The following HAUS6 variants were observed in gnomAD, a reference collection of about 807,000 sequenced individuals.
The protein encoded by HAUS6 is HAUS augmin-like complex subunit 6.
In HAUS6, 80 loss-of-function variants were observed where a neutral mutation model predicts 106.8. The observed-to-expected ratio is 0.75, with a 90% CI of 0.63 to 0.90. HAUS6 has a LOEUF of 0.90. Ranked by LOEUF, HAUS6 falls within the 40% of genes least tolerant of loss-of-function variation. HAUS6 has a pLI of 0.00. For missense variants in HAUS6, 1,155 were observed against 1,118.1 expected (o/e 1.03, Z -0.47); for synonymous variants, 356 against 379.1 (o/e 0.94, Z 0.71).
chr9:19,062,137 G>A (rs1465272959), intron 14 of HAUS6, among the ~76,000 whole-genome samples: 1 of 152,204 alleles, frequency 6.6e-6, no homozygotes, highest in Admixed American at 6.5e-5. Flanking sequence ...AGTATTGTGT[G>A]GTCACTTACC....
intron 8 of HAUS6, among the ~76,000 whole-genome samples, chr9:19,082,158 T>C (rs915242002): frequency 4.6e-5 from 7 of 152,112 alleles, no homozygotes; most frequent in African/African-American, 1.2e-4. Flanking sequence ...AAAAGAACCA[T>C]GGAGAACATT....
intron 8 of HAUS6, among the ~76,000 whole-genome samples, chr9:19,081,223 G>T (rs62563641): frequency 6.6e-6 from 1 of 151,986 alleles, no homozygotes; most frequent in East Asian, 1.9e-4. Context: ...TACACAAAAG[G>T]TTGAAAACTA....
rs141382710 is a variant in HAUS6, at chr9:19,086,771, T to A, written c.662A>T (p.Tyr221Phe). 5 of 1,192,318 alleles carry A rather than the reference T, an allele frequency of 4.2e-6. No individual in the cohort carries two copies. Among genetic ancestry groups the A allele is most frequent in the Non-Finnish European group, 4.9e-6 (4 of 812,406 alleles). The allele number at this position is 1,192,318 out of a possible 1,614,324, so 73.9% of individuals were successfully genotyped here. Residue 221 changes from tyrosine (Y) to phenylalanine (F), a missense_variant, in exon 7 of 17, where the codon TAT (tyrosine) becomes TTT (phenylalanine). Coordinates refer to ENST00000380502, the MANE Select transcript of HAUS6 (RefSeq NM_017645.5). ...LENQIKKMEP[Y>F]DDHSNMEEKI... ...TTCTTCCATATTACTGTGGTCATCA[T>A]AGGGTTCCATTCTAATAAAAATTAA... is the stretch of plus-strand genomic sequence containing the variant.
intron 9 of HAUS6, among the ~76,000 whole-genome samples, chr9:19,079,856 G>A (rs1479752704): frequency 2.0e-5 from 3 of 151,114 alleles, no homozygotes; most frequent in Non-Finnish European, 4.4e-5. Context: ...ACTCTAGCCT[G>A]GGCAACAGAG....
chr9:19,093,191 T>C lies in HAUS6; in HGVS notation c.416A>G (p.Tyr139Cys). 3.8e-6 allele frequency: 6 copies of C among 1,586,502 alleles called. No homozygotes were observed. In the African/African-American group the frequency reaches 5.4e-5, roughly 14 times the overall value. Residue 139 changes from tyrosine to cysteine, a missense_variant, in exon 4 of 17, where the codon TAT becomes TGT. Tyr to Cys is a radical substitution (Grantham distance 194, BLOSUM62 -2). Transcript: ENST00000380502. The part of the protein sequence containing the change: ...YHFARFVAMK[Y>C]IKSNSKNSSH... ...CTTACTTTTAGAATTGGATTTAATA[T>C]ATTTCATTGCAACAAATCTTGCAAA...
rs879373667 is a variant in HAUS6 at position 19,066,853 on chromosome 9, T to A, written c.1377-3273A>T. ...TACAAAAAAAAAAAAAAAAAAAAAA[T>A]TTAATTAGCTGGGTGTGGAGGTGCA... is the stretch of plus-strand genomic sequence containing the variant. On this transcript the variant is annotated intron_variant, in intron 12 of 16. Coordinates refer to ENST00000380502, the MANE Select transcript of HAUS6 (RefSeq NM_017645.5). Among the ~76,000 whole-genome samples the A allele has an allele frequency of 4.9e-3, 632 of 128,598 alleles. 4 individuals are homozygous for A. The highest frequency in any genetic ancestry group is 8.9e-3 in the Non-Finnish European group (547 of 61,634). The allele number at this position is 128,598 out of a possible 152,430, so 84.4% of individuals were successfully genotyped here. A position where few individuals can be genotyped will look rare whatever the true frequency, so the allele number is the denominator to read the frequency against.
chr9:19,101,533 T>C (rs953136644), intron 1 of HAUS6, among the ~76,000 whole-genome samples: 14 of 151,888 alleles, frequency 9.2e-5, no homozygotes, highest in Non-Finnish European at 1.3e-4. Flanking sequence ...TCCCAGCACT[T>C]TGGAAGACCG....
chr9:19,095,029 T>C (rs1276963339), intron 2 of HAUS6, among the ~76,000 whole-genome samples: 1 of 151,752 alleles, frequency 6.6e-6, no homozygotes, highest in African/African-American at 2.4e-5. Context: ...ACAATATAAA[T>C]AAATTAGTAA....
At chr9:19,094,870 T>A (rs927336547) in intron 2 of HAUS6, among the ~76,000 whole-genome samples, 3 of 152,134 alleles carry the variant, frequency 2.0e-5, no homozygotes, top group Admixed American at 1.3e-4. Context: ...AGAAATTTAA[T>A]TTTTTTATTT....
chr9:19,065,393 T>G (rs988490654), intron 12 of HAUS6, among the ~76,000 whole-genome samples: 1 of 152,204 alleles, frequency 6.6e-6, no homozygotes, highest in Non-Finnish European at 1.5e-5. Context: ...AGGAACACAC[T>G]TTTTATAGTA....
chr9:19,062,939 T>C, intron 14 of HAUS6, 69 bp downstream of exon 14: 1 of 1,190,874 alleles, frequency 8.4e-7, no homozygotes, highest in South Asian at 1.3e-5. Flanking sequence ...GTGTTGGGAT[T>C]ACAGACATGG....
At chr9:19,063,970 A>ATTTC (rs1554688190) in intron 12 of HAUS6, among the ~76,000 whole-genome samples, 7 of 135,794 alleles carry the variant, frequency 5.2e-5, no homozygotes, top group Admixed American at 5.0e-4. Flanking sequence ...CCTTTATTTT[A>ATTTC]TTTTTTTTTT....
chr9:19,057,781 T>C (rs1394047128), intron 16 of HAUS6, 180 bp downstream of exon 16: 3 of 520,180 alleles, frequency 5.8e-6, no homozygotes, highest in Admixed American at 6.7e-5. Context: ...TAACTATATA[T>C]ACATAAACAG....
intron 11 of HAUS6, among the ~76,000 whole-genome samples, chr9:19,074,563 T>C (rs542212651): frequency 6.6e-6 from 1 of 152,264 alleles, no homozygotes; most frequent in East Asian, 1.9e-4. Flanking sequence ...TGAGCTGCTA[T>C]GCCCAGCCCT....
chr9:19,092,734 G>C (rs2131150961), intron 4 of HAUS6, among the ~76,000 whole-genome samples: 1 of 151,132 alleles, frequency 6.6e-6, no homozygotes, highest in East Asian at 1.9e-4. Flanking sequence ...GACCAGCCTG[G>C]CTAACATGGT....
intron 1 of HAUS6, among the ~76,000 whole-genome samples, chr9:19,098,390 A>T (rs1403261721): frequency 2.0e-5 from 3 of 149,980 alleles, no homozygotes; most frequent in Non-Finnish European, 4.4e-5. Context: ...GTGAGCCAAG[A>T]TCGCGCCACC....
intron 4 of HAUS6, among the ~76,000 whole-genome samples, chr9:19,089,921 C>A (rs1817709346): frequency 6.6e-6 from 1 of 152,082 alleles, no homozygotes; most frequent in African/African-American, 2.4e-5. Context: ...CAGCCTCAAC[C>A]TTCCGGGTTC....
intron 4 of HAUS6, among the ~76,000 whole-genome samples, chr9:19,092,614 C>A (rs1817776291): frequency 2.0e-5 from 2 of 102,212 alleles, no homozygotes; most frequent in Non-Finnish European, 1.9e-5. Flanking sequence ...AAAACTCCGT[C>A]TCGGAAAAAA....
intron 8 of HAUS6, among the ~76,000 whole-genome samples, chr9:19,081,126 A>G (rs1837138243): frequency 1.3e-5 from 2 of 152,008 alleles, no homozygotes; most frequent in South Asian, 4.1e-4. Flanking sequence ...ACCCCCAAAC[A>G]TAAAATGACG....
Sources: allele counts gnomAD v4.1 joint callset (sites outside exome capture counted in the v4.1 genomes callset), GRCh38; gene constraint gnomAD v4.1.1; transcripts MANE v1.5; gene names NCBI Gene and HGNC (gene_info 2026-07-23, HGNC 2026-07-21).